Variants in EYS observed in about 807,000 individuals in gnomAD.
The protein encoded by EYS is EGF-like photoreceptor maintenance factor.
EYS carries 250 observed loss-of-function variants against 282.1 expected under a neutral mutation model. That is an observed-to-expected ratio of 0.89 (90% CI 0.80 to 0.98). The LOEUF (loss-of-function observed/expected upper bound fraction) is 0.98, where lower values mean the gene tolerates loss of function less well. Ranked by LOEUF, EYS falls within the 50% of genes least tolerant of loss-of-function variation. EYS has a pLI of 0.00. For missense variants in EYS, 4,016 were observed against 3,709.0 expected (o/e 1.08, Z -2.15); for synonymous variants, 1,355 against 1,282.9 (o/e 1.06, Z -1.20).
chr6:65,417,953 T>C (rs1767304574), intron 5 of EYS, among the ~76,000 whole-genome samples: 1 of 151,918 alleles, frequency 6.6e-6, no homozygotes, highest in African/African-American at 2.4e-5. Flanking sequence ...CAAATAGATA[T>C]GGCCCCTAAA....
intron 2 of EYS, among the ~76,000 whole-genome samples, chr6:65,585,505 GAATT>G (rs1344312067): frequency 6.6e-6 from 1 of 151,600 alleles, no homozygotes; most frequent in African/African-American, 2.4e-5. Flanking sequence ...AAAATAAACT[GAATT>G]ATTATTCATG....
At chr6:65,589,087 CTT>C (rs1765147971) in intron 2 of EYS, among the ~76,000 whole-genome samples, 1 of 152,062 alleles carries the variant, frequency 6.6e-6, no homozygotes, top group Non-Finnish European at 1.5e-5. Context: ...CTAGTAACCT[CTT>C]AACTTCCAAA....
intron 41 of EYS, among the ~76,000 whole-genome samples, chr6:63,751,275 G>T (rs1769334387): frequency 6.6e-6 from 1 of 151,752 alleles, no homozygotes; most frequent in Non-Finnish European, 1.5e-5. Context: ...CCAAATTGCA[G>T]GATTCTTAAT....
intron 12 of EYS, among the ~76,000 whole-genome samples, chr6:65,206,068 A>T (rs1011214325): frequency 1.3e-5 from 2 of 151,850 alleles, no homozygotes; most frequent in African/African-American, 4.8e-5. Context: ...GAGACTTAAA[A>T]ATGATACAAA....
intron 22 of EYS, among the ~76,000 whole-genome samples, chr6:64,752,082 A>C (rs78337142): frequency 2.3e-3 from 354 of 152,210 alleles, no homozygotes; most frequent in African/African-American, 7.4e-3. Flanking sequence ...AACCAAACAA[A>C]CAAACAAACA....
chr6:64,386,344 G>A (rs1183113361), intron 29 of EYS, among the ~76,000 whole-genome samples: 3 of 152,172 alleles, frequency 2.0e-5, no homozygotes, highest in Non-Finnish European at 4.4e-5. Context: ...CAGCTGGTGA[G>A]GCCTCACAAT....
chr6:64,601,511 G>A (rs1766760802), intron 24 of EYS, among the ~76,000 whole-genome samples: 1 of 151,854 alleles, frequency 6.6e-6, no homozygotes, highest in Non-Finnish European at 1.5e-5. Context: ...ACAATGTCTT[G>A]CTAATTTTTC....
intron 31 of EYS, among the ~76,000 whole-genome samples, chr6:64,161,252 A>G (rs1775097789): frequency 6.6e-6 from 1 of 152,192 alleles, no homozygotes; most frequent in African/African-American, 2.4e-5. Flanking sequence ...GTGACAGACC[A>G]TCTGTGAAGA....
intron 8 of EYS, among the ~76,000 whole-genome samples, chr6:65,373,317 T>TAA (rs889862298): frequency 1.3e-5 from 2 of 152,118 alleles, no homozygotes; most frequent in African/African-American, 4.8e-5. Context: ...TCAAATATGC[T>TAA]AAGAAAATTT....
chr6:64,629,092 G>T (rs577760216), intron 22 of EYS, among the ~76,000 whole-genome samples: 205 of 152,134 alleles, frequency 1.3e-3, no homozygotes, highest in Non-Finnish European at 1.9e-3. Flanking sequence ...ATCTCCTTAG[G>T]CTCCTTTAGA....
At chr6:64,140,934 A>C (rs115294795) in intron 31 of EYS, among the ~76,000 whole-genome samples, 2,944 of 152,248 alleles carry the variant, frequency 0.019, 82 homozygotes, top group African/African-American at 0.066. Flanking sequence ...AAATCAAAAA[A>C]ATTATCAACA....
chr6:65,081,312 C>G (rs1334094160), intron 12 of EYS, among the ~76,000 whole-genome samples: 1 of 152,058 alleles, frequency 6.6e-6, no homozygotes, highest in East Asian at 1.9e-4. Flanking sequence ...AGTGGGGACC[C>G]ATAGCTAACC....
chr6:64,917,202 T>C (rs1768192753), intron 15 of EYS, among the ~76,000 whole-genome samples: 2 of 151,098 alleles, frequency 1.3e-5, no homozygotes, highest in Admixed American at 1.3e-4. Flanking sequence ...TGAGCAGAGA[T>C]CGTGCCACTG....
chr6:64,826,146 T>C (rs1315359404), intron 19 of EYS, among the ~76,000 whole-genome samples: 4 of 151,782 alleles, frequency 2.6e-5, no homozygotes, highest in Admixed American at 6.6e-5. Context: ...TCAATCAGAG[T>C]TCTAGACTCC....
chr6:63,762,383 C>T, intron 41 of EYS, 78 bp downstream of exon 41: 1 of 1,387,324 alleles, frequency 7.2e-7, no homozygotes. Flanking sequence ...TTTTACTTCT[C>T]AAAAAGAAAA....
intron 22 of EYS, among the ~76,000 whole-genome samples, chr6:64,736,523 G>A (rs1772187476): frequency 6.6e-6 from 1 of 152,054 alleles, no homozygotes; most frequent in South Asian, 2.1e-4. Context: ...ATTTTTGCTA[G>A]AATCATTACA....
intron 22 of EYS, among the ~76,000 whole-genome samples, chr6:64,736,554 TC>T: frequency 6.6e-6 from 1 of 152,304 alleles, no homozygotes; most frequent in East Asian, 1.9e-4. Context: ...TACAAAAGCT[TC>T]CCCAAACTTG....
rs1028574873 is a variant in EYS at position 65,330,973 on chromosome 6, G to A, written c.1766+4007C>T. On this transcript the variant is annotated intron_variant, in intron 11 of 42. Coordinates refer to ENST00000503581, the MANE Select transcript of EYS (RefSeq NM_001142800.2). ...TATAGCCAAATTTCTCATATATTGAGTTCCCGTATATACTCGGGTTGTTGT... is the reference window on the plus strand; with the variant it reads ...TATAGCCAAATTTCTCATATATTGAATTCCCGTATATACTCGGGTTGTTGT... 27 of 984,120 alleles carry A rather than the reference G, an allele frequency of 2.7e-5. No homozygotes were observed. The African/African-American group carries it at 4.7e-4, about 17-fold the overall frequency. The allele number at this position is 984,120 out of a possible 1,614,324, so 61.0% of individuals were successfully genotyped here.
At chr6:65,320,114 G>A (rs1769429137) in intron 11 of EYS, among the ~76,000 whole-genome samples, 1 of 151,790 alleles carries the variant, frequency 6.6e-6, no homozygotes, top group African/African-American at 2.4e-5. Context: ...ATTAACTAGC[G>A]AGTTTAAGTG....
Sources: allele counts gnomAD v4.1 joint callset (sites outside exome capture counted in the v4.1 genomes callset), GRCh38; gene constraint gnomAD v4.1.1; transcripts MANE v1.5; gene names NCBI Gene and HGNC (gene_info 2026-07-23, HGNC 2026-07-21).